Variants in RNF216 observed in about 807,000 individuals in gnomAD.
RNF216 encodes the protein E3 ubiquitin-protein ligase RNF216.
Under a neutral mutation model 110.8 loss-of-function variants are expected in RNF216, and 72 were observed. That is an observed-to-expected ratio of 0.65 (90% CI 0.54 to 0.79). RNF216 has a LOEUF of 0.79. Among genes scored for constraint, RNF216 ranks in the 30% least tolerant of loss-of-function variants. The probability of loss-of-function intolerance (pLI) is 0.00; values close to 1 mark genes in which losing one functional copy is unlikely to be tolerated. For synonymous variants in RNF216, 495 were observed against 407.5 expected, an observed-to-expected ratio of 1.21 and a Z score of -2.59; for missense variants, 1,342 against 1,141.2, an observed-to-expected ratio of 1.18 and a Z score of -2.54.
At chr7:5,710,401 G>A (rs926893962) in intron 13 of RNF216, among the ~76,000 whole-genome samples, 15 of 151,126 alleles carry the variant, frequency 9.9e-5, no homozygotes, top group Non-Finnish European at 2.2e-4. Context: ...CGTCCTCAGA[G>A]AATAATGGTC....
chr7:5,721,770 T>G (rs1793440772), intron 8 of RNF216, among the ~76,000 whole-genome samples: 1 of 152,222 alleles, frequency 6.6e-6, no homozygotes, highest in East Asian at 1.9e-4. Context: ...CCATTTTTAT[T>G]TTCAAAGCAT....
intron 3 of RNF216, among the ~76,000 whole-genome samples, chr7:5,742,027 T>C (rs986202662): frequency 6.6e-5 from 10 of 152,154 alleles, no homozygotes; most frequent in Admixed American, 5.9e-4. Context: ...AGATTAAAGC[T>C]TGAGATATAG....
Position 5,712,764 on chromosome 7 carries a change from G to A in RNF216, c.1933C>T (p.Arg645Ter), listed in dbSNP as rs374481544. The change falls in exon 12 of 17, where the codon CGA becomes TGA. Residue 645 changes from arginine to a stop codon, truncating the protein, a stop_gained. Transcript: ENST00000389902. LOFTEE classifies it high-confidence loss of function. Reference sequence around the variant, plus strand: ...GCCGCAACCTCCTCCTCGGCTTTTCGCTCATAGTACTTATACAGGATGGTC... The same window carrying A: ...GCCGCAACCTCCTCCTCGGCTTTTCACTCATAGTACTTATACAGGATGGTC... ...PQTILYKYYE[R>*]KAEEEVAAAY... 4 of 1,614,010 alleles carry A rather than the reference G, an allele frequency of 2.5e-6. No individual in the cohort carries two copies. Among genetic ancestry groups the A allele is most frequent in the Non-Finnish European group, 1.7e-6 (2 of 1,180,004 alleles).
rs1463844584 is a variant in RNF216, at chr7:5,721,040, A to G, written c.1637T>C (p.Met546Thr). The change falls in exon 9 of 17, where the codon ATG (methionine) becomes ACG (threonine). Residue 546 changes from methionine (M) to threonine (T), a missense_variant. Met to Thr is a moderately conservative substitution (Grantham distance 81). Transcript: ENST00000389902. ...QEFYEQKIKEMAEHEDFLLAL... is the reference protein window; with the variant it reads ...QEFYEQKIKETAEHEDFLLAL... ...CAGAGCACATCTTCCTACCTCTGCCATCTCTTTGATTTTCTGCTCATAGAA... is the reference window on the plus strand; with the variant it reads ...CAGAGCACATCTTCCTACCTCTGCCGTCTCTTTGATTTTCTGCTCATAGAA... 30 of 1,614,088 alleles carry G rather than the reference A, an allele frequency of 1.9e-5. No homozygotes were observed. Among genetic ancestry groups the G allele is most frequent in the Non-Finnish European group, 2.5e-5 (29 of 1,180,026 alleles).
chr7:5,751,037 C>T (rs529036458), intron 3 of RNF216, among the ~76,000 whole-genome samples: 78 of 152,314 alleles, frequency 5.1e-4, no homozygotes, highest in African/African-American at 1.8e-3. Flanking sequence ...GGGCCCTAGC[C>T]GAGGAGCAGC....
chr7:5,764,779 G>A (rs1796114716), intron 1 of RNF216, among the ~76,000 whole-genome samples: 1 of 152,018 alleles, frequency 6.6e-6, no homozygotes, highest in African/African-American at 2.4e-5. Flanking sequence ...CAAGAGTAAG[G>A]GTAGCGGCTG....
rs749240431 is a variant in RNF216 at position 5,623,060 on chromosome 7, C to T, written c.2572G>A (p.Ala858Thr). ...AGGGGGAAGGGTGGGTGCGCGAAGG[C>T]ATAGGGTGGCATCTGTGGCTGTGGC... ...NLPQPQMPPY[A>T]FAHPPFPLPP... The change falls in exon 17 of 17, where the codon GCC (alanine) becomes ACC (threonine). Residue 858 changes from alanine to threonine, a missense_variant. By Grantham distance (58) the Ala-to-Thr change is moderately conservative. Transcript: ENST00000389902. 1 of 1,613,588 alleles carries T rather than the reference C, an allele frequency of 6.2e-7. No homozygotes were observed.
At chr7:5,685,926 G>T (rs1047350914) in intron 13 of RNF216, among the ~76,000 whole-genome samples, 5 of 152,016 alleles carry the variant, frequency 3.3e-5, no homozygotes, top group African/African-American at 9.7e-5. Context: ...TGTAGAAAAC[G>T]ATGTAAAAAA....
intron 13 of RNF216, among the ~76,000 whole-genome samples, chr7:5,709,931 T>A (rs1394775960): frequency 6.6e-6 from 1 of 152,016 alleles, no homozygotes; most frequent in South Asian, 2.1e-4. Context: ...AGTTTTAAAA[T>A]TTTTTTTGTA....
intron 15 of RNF216, among the ~76,000 whole-genome samples, chr7:5,629,556 C>T (rs939129627): frequency 1.3e-5 from 2 of 150,390 alleles, no homozygotes; most frequent in Non-Finnish European, 3.0e-5. Context: ...GGGCCAGAAG[C>T]GGCGTCTTGC....
intron 13 of RNF216, among the ~76,000 whole-genome samples, chr7:5,701,646 G>A (rs1032902101): frequency 1.3e-5 from 2 of 152,324 alleles, no homozygotes; most frequent in East Asian, 1.9e-4. Context: ...AGTGAGTGGA[G>A]GAGCTAGAAT....
chr7:5,766,865 G>A (rs1796235243), intron 1 of RNF216: 2 of 152,216 alleles, frequency 1.3e-5, no homozygotes, highest in Non-Finnish European at 2.9e-5. Flanking sequence ...TATAAAGGGT[G>A]CGTGTGTATG....
chr7:5,651,230 T>TC (rs1380332360), intron 14 of RNF216, among the ~76,000 whole-genome samples: 1 of 143,558 alleles, frequency 7.0e-6, no homozygotes, highest in African/African-American at 2.5e-5. Context: ...CAATCTTCTC[T>TC]TTTTTTTTTT....
intron 13 of RNF216, among the ~76,000 whole-genome samples, chr7:5,706,923 C>T (rs1245032283): frequency 1.3e-5 from 2 of 151,624 alleles, no homozygotes; most frequent in African/African-American, 2.4e-5. Context: ...GTCTTTAATC[C>T]ATTTAAAGAG....
At chr7:5,629,826 CAAA>C (rs34172457) in intron 15 of RNF216, among the ~76,000 whole-genome samples, 16 of 54,042 alleles carry the variant, frequency 3.0e-4, no homozygotes, top group Non-Finnish European at 3.3e-4. Context: ...GACTCTGTCT[CAAA>C]AAAAAAAAAA....
chr7:5,687,092 C>A (rs1457573199), intron 13 of RNF216, among the ~76,000 whole-genome samples: 2 of 152,096 alleles, frequency 1.3e-5, no homozygotes, highest in Non-Finnish European at 2.9e-5. Context: ...GGTTCAAAAT[C>A]AAAATCTAGA....
intron 15 of RNF216, among the ~76,000 whole-genome samples, chr7:5,630,809 A>G (rs1787023490): frequency 6.6e-6 from 1 of 152,188 alleles, no homozygotes; most frequent in South Asian, 2.1e-4. Context: ...GTTTCACCAC[A>G]GCTCCCTGAG....
intron 13 of RNF216, among the ~76,000 whole-genome samples, chr7:5,653,515 G>C (rs1048519047): frequency 4.0e-5 from 6 of 149,816 alleles, no homozygotes; most frequent in Admixed American, 2.7e-4. Context: ...GCAGGAGAAA[G>C]GCGTGAACCC....
intron 3 of RNF216, among the ~76,000 whole-genome samples, chr7:5,747,312 T>C (rs1469823258): frequency 1.3e-5 from 2 of 152,196 alleles, no homozygotes; most frequent in East Asian, 1.9e-4. Flanking sequence ...CTAGGATACC[T>C]GACTTATTAC....
Sources: gnomAD v4.1 joint callset for allele counts (sites outside exome capture counted in the v4.1 genomes callset) on GRCh38, gnomAD v4.1.1 for gene constraint, MANE v1.5 for transcripts, NCBI Gene and HGNC (gene_info 2026-07-23, HGNC 2026-07-21) for gene names.